MYO16: variants seen among roughly 807,000 people sequenced by gnomAD.
The protein encoded by MYO16 is unconventional myosin-XVI.
A neutral mutation model predicts 205.3 loss-of-function variants in MYO16; 94 were observed. The observed-to-expected ratio is 0.46, with a 90% CI of 0.39 to 0.54. The LOEUF (loss-of-function observed/expected upper bound fraction) is 0.54. MYO16 is among the 20% of genes least tolerant of loss of function. The pLI is 0.00. For synonymous variants in MYO16, 988 were observed against 954.0 expected (o/e 1.04, Z -0.66); for missense variants, 2,315 against 2,387.5 (o/e 0.97, Z 0.63).
intron 3 of MYO16, among the ~76,000 whole-genome samples, chr13:108,718,128 A>G (rs992980300): frequency 6.6e-6 from 1 of 152,182 alleles, no homozygotes; most frequent in Non-Finnish European, 1.5e-5. Flanking sequence ...TCAACAGCCT[A>G]ATATCTTCAA....
intron 2 of MYO16, among the ~76,000 whole-genome samples, chr13:108,707,094 A>G: frequency 6.6e-6 from 1 of 152,168 alleles, no homozygotes; most frequent in East Asian, 1.9e-4. Context: ...AAGCAATCAC[A>G]TAAGGTGTGA....
intron 16 of MYO16, among the ~76,000 whole-genome samples, chr13:108,937,869 T>C (rs1446527586): frequency 1.3e-5 from 2 of 152,226 alleles, no homozygotes; most frequent in Non-Finnish European, 2.9e-5. Context: ...TTGAATGCTT[T>C]ACCTGTCATT....
intron 20 of MYO16, among the ~76,000 whole-genome samples, chr13:108,983,032 T>A (rs1566444908): frequency 6.6e-6 from 1 of 152,140 alleles, no homozygotes; most frequent in Non-Finnish European, 1.5e-5. Context: ...TTGATATCCG[T>A]CTCCCGACTG....
At chr13:109,083,983 G>A (rs1888360556) in intron 27 of MYO16, among the ~76,000 whole-genome samples, 1 of 152,142 alleles carries the variant, frequency 6.6e-6, no homozygotes, top group Non-Finnish European at 1.5e-5. Context: ...TATGTATAAA[G>A]ACAGGCTTAA....
intron 1 of MYO16, among the ~76,000 whole-genome samples, chr13:108,634,913 T>G (rs1281079377): frequency 1.3e-5 from 2 of 152,164 alleles, no homozygotes; most frequent in Non-Finnish European, 2.9e-5. Context: ...AGATGTCCCC[T>G]TAGGCAGCCC....
chr13:108,835,552 G>T (rs1430189205), intron 9 of MYO16, among the ~76,000 whole-genome samples: 1 of 152,204 alleles, frequency 6.6e-6, no homozygotes, highest in African/African-American at 2.4e-5. Context: ...TTGTAACCGG[G>T]TAACAGGCAG....
intron 3 of MYO16, among the ~76,000 whole-genome samples, chr13:108,719,582 C>T (rs1884081838): frequency 6.6e-6 from 1 of 152,110 alleles, no homozygotes. Flanking sequence ...TCTGGCTTAG[C>T]ACAGCACTGG....
chr13:108,855,137 A>C (rs1878099069), intron 10 of MYO16, among the ~76,000 whole-genome samples: 1 of 152,212 alleles, frequency 6.6e-6, no homozygotes, highest in South Asian at 2.1e-4. Flanking sequence ...AATTATCAGT[A>C]GGGAATAAGA....
chr13:108,772,184 G>A (rs1885987192), intron 4 of MYO16, among the ~76,000 whole-genome samples: 1 of 149,856 alleles, frequency 6.7e-6, no homozygotes, highest in Non-Finnish European at 1.5e-5. Flanking sequence ...CCCAGTTTCT[G>A]CAAAAAAAAT....
chr13:108,856,561 C>T (rs1171287415), intron 11 of MYO16, among the ~76,000 whole-genome samples: 1 of 152,112 alleles, frequency 6.6e-6, no homozygotes, highest in Non-Finnish European at 1.5e-5. Flanking sequence ...TTACTTTGGT[C>T]TCTGTTATCA....
chr13:109,186,482 G>A (rs772987929), intron 34 of MYO16, among the ~76,000 whole-genome samples: 8 of 152,122 alleles, frequency 5.3e-5, no homozygotes, highest in Non-Finnish European at 1.0e-4. Flanking sequence ...CAGGGAGATC[G>A]ATGATGCTCT....
intron 23 of MYO16, among the ~76,000 whole-genome samples, chr13:109,020,791 G>A (rs145763789): frequency 6.6e-4 from 101 of 152,184 alleles, no homozygotes; most frequent in African/African-American, 2.4e-3. Context: ...ATCTCTCACC[G>A]CTGTCTTACA....
At chr13:109,063,628 T>C (rs1438649683) in intron 27 of MYO16, among the ~76,000 whole-genome samples, 2 of 152,124 alleles carry the variant, frequency 1.3e-5, no homozygotes. Context: ...AGAAATAGAT[T>C]TCTGTTTTTT....
intron 23 of MYO16, among the ~76,000 whole-genome samples, chr13:109,032,676 G>A (rs1886581898): frequency 6.6e-6 from 1 of 152,178 alleles, no homozygotes; most frequent in Admixed American, 6.5e-5. Context: ...AGATAGATGG[G>A]CAGGCACACA....
intron 7 of MYO16, among the ~76,000 whole-genome samples, chr13:108,810,101 A>G (rs932057218): frequency 8.5e-5 from 13 of 152,322 alleles, no homozygotes; most frequent in Admixed American, 4.6e-4. Flanking sequence ...GCCATTTACA[A>G]TGTGCAGATG....
At chr13:108,820,310 C>T in intron 7 of MYO16, 27 bp from the exon 8 acceptor site, 1 of 1,532,270 alleles carries the variant, frequency 6.5e-7, no homozygotes, top group Non-Finnish European at 8.9e-7. Flanking sequence ...ATGGTGGTTC[C>T]CATTTCAATT....
intron 20 of MYO16, among the ~76,000 whole-genome samples, chr13:108,973,333 G>C (rs747533052): frequency 2.4e-5 from 3 of 126,812 alleles, no homozygotes; most frequent in Non-Finnish European, 5.5e-5. Context: ...AATGAAAAAA[G>C]AGAGAATGTT....
chr13:108,761,530 C>G (rs933460173), intron 4 of MYO16, among the ~76,000 whole-genome samples: 1 of 152,126 alleles, frequency 6.6e-6, no homozygotes. Flanking sequence ...AGGAGGGCAG[C>G]ATGTTGGAGA....
intron 11 of MYO16, among the ~76,000 whole-genome samples, chr13:108,861,147 C>A (rs1878431444): frequency 6.6e-6 from 1 of 152,086 alleles, no homozygotes; most frequent in African/African-American, 2.4e-5. Flanking sequence ...TTCATGAACA[C>A]ACCCACGTAA....
Sources: allele counts gnomAD v4.1 joint callset (sites outside exome capture counted in the v4.1 genomes callset), GRCh38; gene constraint gnomAD v4.1.1; transcripts MANE v1.5; gene names NCBI Gene and HGNC (gene_info 2026-07-23, HGNC 2026-07-21).